Variants in AGBL4 observed in about 807,000 individuals in gnomAD.
The protein encoded by AGBL4 is AGBL carboxypeptidase 4.
AGBL4 carries 58 observed loss-of-function variants against 66.4 expected under a neutral mutation model. The ratio of observed to expected loss-of-function variants is 0.87; its 90% CI spans 0.71 to 1.09. AGBL4 has a LOEUF of 1.09. Ranked by LOEUF, AGBL4 falls within the 50% of genes least tolerant of loss-of-function variation. AGBL4 has a pLI of 0.00. For missense variants in AGBL4, 579 were observed against 631.0 expected (o/e 0.92, Z 0.88); for synonymous variants, 234 against 222.9 (o/e 1.05, Z -0.44).
At chr1:49,412,375 C>T (rs1386487502) in intron 3 of AGBL4, among the ~76,000 whole-genome samples, 1 of 151,990 alleles carries the variant, frequency 6.6e-6, no homozygotes, top group African/African-American at 2.4e-5. Flanking sequence ...AACACTAATC[C>T]CATTAATGGG....
At chr1:49,947,995 T>TTTAC in intron 1 of AGBL4, among the ~76,000 whole-genome samples, 2 of 39,770 alleles carry the variant, frequency 5.0e-5, no homozygotes, top group Non-Finnish European at 5.8e-5. Context: ...TATTTATATA[T>TTTAC]ATAAATATAT....
At chr1:49,788,230 C>G (rs897644731) in intron 2 of AGBL4, among the ~76,000 whole-genome samples, 5 of 152,100 alleles carry the variant, frequency 3.3e-5, no homozygotes, top group Non-Finnish European at 7.4e-5. Flanking sequence ...TGGAAAACCG[C>G]TTAGACATTC....
chr1:49,926,781 T>C (rs995481230), intron 1 of AGBL4, among the ~76,000 whole-genome samples: 4 of 152,252 alleles, frequency 2.6e-5, no homozygotes, highest in African/African-American at 7.2e-5. Flanking sequence ...GGTCTCTTAA[T>C]ACCAGAATTG....
chr1:49,755,446 A>T (rs1651817285), intron 2 of AGBL4, among the ~76,000 whole-genome samples: 1 of 152,190 alleles, frequency 6.6e-6, no homozygotes, highest in African/African-American at 2.4e-5. Flanking sequence ...ACACACAAAC[A>T]TGAGCCTCTG....
chr1:49,463,237 ACT>A (rs1646553686), intron 3 of AGBL4, among the ~76,000 whole-genome samples: 1 of 151,568 alleles, frequency 6.6e-6, no homozygotes, highest in Non-Finnish European at 1.5e-5. Flanking sequence ...AATTGACTTG[ACT>A]CTAGCCCATG....
chr1:49,374,556 A>G (rs1357596067), intron 3 of AGBL4, among the ~76,000 whole-genome samples: 5 of 152,126 alleles, frequency 3.3e-5, no homozygotes, highest in Non-Finnish European at 5.9e-5. Context: ...CTGTCAATGC[A>G]CAGGAGAGGA....
intron 9 of AGBL4, among the ~76,000 whole-genome samples, chr1:48,597,226 T>C (rs1178241918): frequency 6.6e-6 from 1 of 152,232 alleles, no homozygotes; most frequent in Non-Finnish European, 1.5e-5. Context: ...GTATTTATCA[T>C]CTAGCTTATT....
chr1:49,679,506 A>G (rs1393455706), intron 3 of AGBL4, among the ~76,000 whole-genome samples: 1 of 152,056 alleles, frequency 6.6e-6, no homozygotes, highest in Non-Finnish European at 1.5e-5. Context: ...TCTTTTATTT[A>G]GTCATGCTGC....
At chr1:48,561,325 A>G (rs1195650937) in intron 11 of AGBL4, among the ~76,000 whole-genome samples, 2 of 150,730 alleles carry the variant, frequency 1.3e-5, no homozygotes, top group African/African-American at 4.9e-5. Flanking sequence ...TGTAAAAGGA[A>G]TAGATTGGAT....
chr1:49,582,495 G>C (rs1355445035), intron 3 of AGBL4, among the ~76,000 whole-genome samples: 1 of 152,120 alleles, frequency 6.6e-6, no homozygotes, highest in Admixed American at 6.5e-5. Context: ...CCCAGCTCAG[G>C]ACCAAGCCTG....
chr1:49,605,685 AT>A (rs566002263), intron 3 of AGBL4, among the ~76,000 whole-genome samples: 1 of 152,062 alleles, frequency 6.6e-6, no homozygotes, highest in Admixed American at 6.6e-5. Context: ...TAAGTGATGG[AT>A]TTTTTTATTT....
intron 3 of AGBL4, among the ~76,000 whole-genome samples, chr1:49,343,981 T>C (rs1645590336): frequency 6.6e-6 from 1 of 152,220 alleles, no homozygotes; most frequent in South Asian, 2.1e-4. Flanking sequence ...ATACTGTCTT[T>C]ACTACATAAA....
chr1:48,652,709 G>GT (rs900312773), intron 8 of AGBL4, among the ~76,000 whole-genome samples: 7 of 152,108 alleles, frequency 4.6e-5, no homozygotes, highest in South Asian at 2.1e-4. Context: ...ATGAGTCGGT[G>GT]TTTTTTTGGC....
At chr1:49,383,798 T>C (rs1644673982) in intron 3 of AGBL4, among the ~76,000 whole-genome samples, 1 of 151,050 alleles carries the variant, frequency 6.6e-6, no homozygotes, top group Middle Eastern at 3.4e-3. Flanking sequence ...ACTGTATATA[T>C]ATATATTTTT....
In AGBL4 at chr1:49,656,071, T is replaced by A. The variant is rs534634123; in HGVS notation, c.282+41242A>T. On this transcript the variant is annotated intron_variant, in intron 3 of 13. Transcript: ENST00000371839. ...CTGAGGCAGGAGAATAGCTTGAACC[T>A]GGGAGGCGGAGGTTGCAGTGAGCCA... Among the ~76,000 whole-genome samples the A allele has an allele frequency of 6.7e-4, 102 of 151,124 alleles. 1 individual carries two copies. Among genetic ancestry groups the A allele is most frequent in the African/African-American group, 2.4e-3 (100 of 41,120 alleles).
chr1:49,700,106 T>C (rs1434619011), intron 2 of AGBL4, among the ~76,000 whole-genome samples: 1 of 151,696 alleles, frequency 6.6e-6, no homozygotes, highest in East Asian at 1.9e-4. Context: ...AAGCTTTCCT[T>C]TTAGGAGCAC....
intron 5 of AGBL4, among the ~76,000 whole-genome samples, chr1:48,943,222 G>A (rs764147033): frequency 4.6e-5 from 7 of 152,166 alleles, no homozygotes; most frequent in African/African-American, 7.2e-5. Context: ...CCCCCATAGC[G>A]CCTAAATCCA....
chr1:49,260,875 A>G (rs1653082157), intron 3 of AGBL4, among the ~76,000 whole-genome samples: 1 of 151,068 alleles, frequency 6.6e-6, no homozygotes, highest in Non-Finnish European at 1.5e-5. Context: ...TTTTAGACCA[A>G]TATCCTTGAT....
At chr1:49,910,404 G>A (rs193185099) in intron 1 of AGBL4, among the ~76,000 whole-genome samples, 1 of 152,308 alleles carries the variant, frequency 6.6e-6, no homozygotes, top group Non-Finnish European at 1.5e-5. Context: ...CAGTGGAGTA[G>A]TGGGCAATGA....
Sources: gnomAD v4.1 joint callset for allele counts (sites outside exome capture counted in the v4.1 genomes callset) on GRCh38, gnomAD v4.1.1 for gene constraint, MANE v1.5 for transcripts, NCBI Gene and HGNC (gene_info 2026-07-23, HGNC 2026-07-21) for gene names.